The following ALS2 variants were observed in gnomAD, a reference collection of about 807,000 sequenced individuals.
The protein encoded by ALS2 is alsin.
A neutral mutation model predicts 203.4 loss-of-function variants in ALS2; 117 were observed. The observed-to-expected ratio is 0.58, with a 90% CI of 0.50 to 0.67. The LOEUF (loss-of-function observed/expected upper bound fraction) is 0.67, where lower values mean the gene tolerates loss of function less well. Ranked by LOEUF, ALS2 falls within the 30% of genes least tolerant of loss-of-function variation. ALS2 has a pLI of 0.00. For missense variants in ALS2, 1,715 were observed against 1,989.4 expected (o/e 0.86, Z 2.62); for synonymous variants, 718 against 725.9 (o/e 0.99, Z 0.17).
intron 23 of ALS2, chr2:201,721,979 C>T (rs1048152714): frequency 1.3e-5 from 2 of 152,066 alleles, no homozygotes; most frequent in African/African-American, 2.4e-5. Flanking sequence ...GACATAACAT[C>T]AAAAGCATAA....
intron 1 of ALS2, among the ~76,000 whole-genome samples, chr2:201,773,458 G>C (rs1018393919): frequency 1.3e-5 from 2 of 152,134 alleles, no homozygotes; most frequent in African/African-American, 4.8e-5. Flanking sequence ...AATGATCCCT[G>C]GTTCTGCCTC....
intron 3 of ALS2, among the ~76,000 whole-genome samples, chr2:201,764,512 T>C (rs34216087): frequency 4.2e-4 from 63 of 151,540 alleles, no homozygotes; most frequent in Non-Finnish European, 7.1e-4. Flanking sequence ...CACTGGCCTG[T>C]AGTCCCAGCT....
Position 201,761,694 on chromosome 2 carries a change from G to A in ALS2, c.300C>T (p.Ser100=), listed in dbSNP as rs41308808. 201 of 1,614,182 alleles carry A rather than the reference G, an allele frequency of 1.2e-4. No individual in the cohort carries two copies. In the East Asian group the frequency reaches 3.9e-3, roughly 31 times the overall value. The change falls in exon 4 of 34, where the codon AGC becomes AGT. Residue 100 remains serine (S), a synonymous_variant. Transcript: ENST00000264276. ...GQYVITVATG[S]FHSGAVTDNG... ...TGTCTGTCACTGCTCCACTATGGAA[G>A]CTTCCTGTTGCCACAGTAATAACAT...
intron 22 of ALS2, 93 bp from the exon 23 acceptor site, chr2:201,723,213 T>G: frequency 7.2e-7 from 1 of 1,398,074 alleles, no homozygotes; most frequent in Non-Finnish European, 1.0e-6. Flanking sequence ...TTATGGAATC[T>G]TAAAAGAAGG....
At position 201,761,629 on chromosome 2, in the gene ALS2, T is replaced by C; in HGVS notation, c.365A>G (p.Gln122Arg). The C allele has an allele frequency of 6.2e-7, 1 of 1,614,200 alleles. No individual in the cohort carries two copies. Among genetic ancestry groups the C allele is most frequent in the Non-Finnish European group, 8.5e-7 (1 of 1,180,036 alleles). Residue 122 changes from glutamine to arginine, a missense_variant, in exon 4 of 34, where the codon CAG (glutamine) becomes CGG (arginine). Physicochemically the swap from Gln to Arg is conservative, Grantham distance 43. Coordinates refer to ENST00000264276, the MANE Select transcript of ALS2 (RefSeq NM_020919.4). ...AYMWGENSAG[Q>R]CAVANQQYVP... ...ATACTGCTGGTTGGCTACTGCACAC[T>C]GGCCAGCAGAATTCTCTCCCCACAT...
chr2:201,747,062 G>A (rs111279547), intron 8 of ALS2, among the ~76,000 whole-genome samples: 59 of 152,234 alleles, frequency 3.9e-4, no homozygotes, highest in African/African-American at 1.4e-3. Flanking sequence ...TTATAATGAA[G>A]AGACCCAGAA....
intron 3 of ALS2, chr2:201,763,101 TG>T: frequency 5.2e-6 from 1 of 191,826 alleles, no homozygotes; most frequent in Non-Finnish European, 1.1e-5. Context: ...TTGTTGCCAC[TG>T]GGGACTACAA....
intron 1 of ALS2, 52 bp from the exon 2 acceptor site, chr2:201,768,997 G>T (rs1263218037): frequency 6.2e-6 from 5 of 812,668 alleles, no homozygotes; most frequent in Non-Finnish European, 9.3e-6. Flanking sequence ...TTACCCCTCA[G>T]ACATTAAAAA....
At chr2:201,738,136 C>T (rs1270743266) in intron 12 of ALS2, among the ~76,000 whole-genome samples, 3 of 151,966 alleles carry the variant, frequency 2.0e-5, no homozygotes, top group Non-Finnish European at 4.4e-5. Flanking sequence ...CCTATCTCTT[C>T]TATTTTAAAA....
intron 4 of ALS2, chr2:201,760,664 C>G (rs955703914): frequency 2.2e-6 from 3 of 1,354,750 alleles, no homozygotes; most frequent in African/African-American, 2.9e-5. Context: ...CAACATGACA[C>G]CTTTCAATAT....
intron 11 of ALS2, among the ~76,000 whole-genome samples, chr2:201,740,742 G>C (rs1354341977): frequency 6.6e-6 from 1 of 152,202 alleles, no homozygotes. Context: ...AATACACTAA[G>C]ATGATAAACA....
chr2:201,708,113 T>C, intron 27 of ALS2, 122 bp from the exon 28 acceptor site: 1 of 833,736 alleles, frequency 1.2e-6, no homozygotes. Flanking sequence ...TTTAGTTCCC[T>C]GAGAAAACTG....
At position 201,769,075 on chromosome 2, in the gene ALS2, C is replaced by T. The variant is rs1346170119; in HGVS notation, c.-60-130G>A. ...TAAATATGCAGTAAAACTATTTAAA[C>T]TATTTCATATCTTGCCTGCCAAAGT... On this transcript the variant is annotated intron_variant, in intron 1 of 33. Coordinates refer to ENST00000264276, the MANE Select transcript of ALS2 (RefSeq NM_020919.4). 4 of 537,278 alleles carry T rather than the reference C, an allele frequency of 7.4e-6. No individual in the cohort carries two copies. The African/African-American group carries it at 7.7e-5, about 10-fold the overall frequency. The allele number at this position is 537,278 out of a possible 1,614,324, so 33.3% of individuals were successfully genotyped here. A position where few individuals can be genotyped will look rare whatever the true frequency, so the allele number is the denominator to read the frequency against.
intron 27 of ALS2, 92 bp downstream of exon 27, chr2:201,709,789 C>T: frequency 1.3e-6 from 2 of 1,509,720 alleles, no homozygotes; most frequent in Non-Finnish European, 1.8e-6. Flanking sequence ...TGGCATAAAA[C>T]TATTTTCTTG....
At chr2:201,732,770 G>A (rs1452798899) in intron 13 of ALS2, among the ~76,000 whole-genome samples, 2 of 152,128 alleles carry the variant, frequency 1.3e-5, no homozygotes, top group Admixed American at 6.5e-5. Context: ...CACCTAACTA[G>A]TTTTATGTAA....
chr2:201,739,195 C>T (rs1466104742), intron 11 of ALS2, among the ~76,000 whole-genome samples: 1 of 119,282 alleles, frequency 8.4e-6, no homozygotes, highest in Non-Finnish European at 1.6e-5. Flanking sequence ...GCTGTGATTC[C>T]AACATTGCAC....
chr2:201,750,347 A>C (rs913169261), intron 7 of ALS2, among the ~76,000 whole-genome samples: 5 of 152,224 alleles, frequency 3.3e-5, no homozygotes, highest in Non-Finnish European at 4.4e-5. Flanking sequence ...TAAATAAGGA[A>C]ACCCAGAGAG....
At chr2:201,714,695 TC>T (rs1690254331) in intron 25 of ALS2, among the ~76,000 whole-genome samples, 1 of 152,234 alleles carries the variant, frequency 6.6e-6, no homozygotes, top group South Asian at 2.1e-4. Context: ...CCAGTTCACT[TC>T]TCAAAGCCTT....
intron 23 of ALS2, chr2:201,722,448 T>C (rs1690865237): frequency 6.6e-6 from 1 of 152,302 alleles, no homozygotes; most frequent in Admixed American, 6.5e-5. Context: ...TAAACATCAA[T>C]TTACCATACA....
Sources: gnomAD v4.1 joint callset for allele counts (sites outside exome capture counted in the v4.1 genomes callset) on GRCh38, gnomAD v4.1.1 for gene constraint, MANE v1.5 for transcripts, NCBI Gene and HGNC (gene_info 2026-07-23, HGNC 2026-07-21) for gene names.